Variants in HSPBAP1 observed in about 807,000 individuals in gnomAD.
HSPBAP1 encodes HSPB1-associated protein 1.
In HSPBAP1, 27 loss-of-function variants were observed where a neutral mutation model predicts 45.2. The ratio of observed to expected loss-of-function variants is 0.60; its 90% CI spans 0.44 to 0.82. The LOEUF is 0.82. Ranked by LOEUF, HSPBAP1 falls within the 40% of genes least tolerant of loss-of-function variation. The pLI is 0.00. For synonymous variants in HSPBAP1, 204 were observed against 202.7 expected, an observed-to-expected ratio of 1.01 and a Z score of -0.06; for missense variants, 510 against 590.9, an observed-to-expected ratio of 0.86 and a Z score of 1.42.
intron 3 of HSPBAP1, among the ~76,000 whole-genome samples, chr3:122,760,450 A>G (rs1451711351): frequency 5.3e-5 from 8 of 152,006 alleles, no homozygotes; most frequent in Non-Finnish European, 2.9e-5. Context: ...TAAATTTTCT[A>G]TTTTTAGAGG....
chr3:122,775,623 T>C (rs1935167682), intron 2 of HSPBAP1, among the ~76,000 whole-genome samples: 1 of 152,182 alleles, frequency 6.6e-6, no homozygotes. Context: ...CTAGAATAGC[T>C]ATAATTTTTA....
intron 1 of HSPBAP1, among the ~76,000 whole-genome samples, chr3:122,791,448 G>A (rs932126477): frequency 1.3e-5 from 2 of 152,254 alleles, no homozygotes; most frequent in African/African-American, 4.8e-5. Context: ...CATGTGGCAT[G>A]TGCCAACTAT....
intron 3 of HSPBAP1, among the ~76,000 whole-genome samples, chr3:122,767,045 C>A (rs146618254): frequency 6.6e-6 from 1 of 152,022 alleles, no homozygotes; most frequent in African/African-American, 2.4e-5. Context: ...AACTATGAAA[C>A]CTGTAAGTTC....
chr3:122,790,645 T>C (rs1346683461), intron 1 of HSPBAP1, among the ~76,000 whole-genome samples: 1 of 152,226 alleles, frequency 6.6e-6, no homozygotes, highest in Admixed American at 6.5e-5. Flanking sequence ...GTTTACCATG[T>C]GCCATTCAAA....
intron 6 of HSPBAP1, among the ~76,000 whole-genome samples, chr3:122,743,150 A>G (rs1295000461): frequency 6.6e-6 from 1 of 152,188 alleles, no homozygotes; most frequent in African/African-American, 2.4e-5. Flanking sequence ...ATTCCTTGTG[A>G]TAGTTGAAAA....
rs973550332 is a variant in HSPBAP1 at position 122,740,266 on chromosome 3, G to T, written c.*79C>A. The stretch of plus-strand genomic sequence containing the variant: ...CAAATGTGCAAACTGACCTTTTGCT[G>T]GTTCATCTTTATTTTAGTCATACTA... On this transcript the variant is annotated 3_prime_UTR_variant, in exon 8 of 8. Coordinates refer to ENST00000306103, the MANE Select transcript of HSPBAP1 (RefSeq NM_024610.6). The T allele has an allele frequency of 1.1e-6, 1 of 885,864 alleles. No homozygotes were observed. The highest frequency in any genetic ancestry group is 1.6e-6 in the Non-Finnish European group (1 of 626,916). The allele number at this position is 885,864 out of a possible 1,614,324, so 54.9% of individuals were successfully genotyped here. A position where few individuals can be genotyped will look rare whatever the true frequency, so the allele number is the denominator to read the frequency against.
chr3:122,774,220 C>T (rs1341046279), intron 2 of HSPBAP1, among the ~76,000 whole-genome samples: 2 of 152,126 alleles, frequency 1.3e-5, no homozygotes, highest in Non-Finnish European at 1.5e-5. Flanking sequence ...CTAAGTGTTA[C>T]TAAGAAATAC....
chr3:122,777,200 A>G (rs941394148), intron 2 of HSPBAP1, among the ~76,000 whole-genome samples: 2 of 152,194 alleles, frequency 1.3e-5, no homozygotes, highest in Non-Finnish European at 2.9e-5. Flanking sequence ...CGAGCTTTAC[A>G]TATGTTTCAT....
intron 1 of HSPBAP1, among the ~76,000 whole-genome samples, chr3:122,784,949 A>T (rs972055404): frequency 6.6e-6 from 1 of 152,246 alleles, no homozygotes; most frequent in Non-Finnish European, 1.5e-5. Context: ...TAAAACAGGC[A>T]GAGACGGTAA....
intron 6 of HSPBAP1, among the ~76,000 whole-genome samples, chr3:122,747,960 G>T (rs1471663987): frequency 2.0e-5 from 3 of 152,348 alleles, no homozygotes; most frequent in South Asian, 4.1e-4. Context: ...GTGGGGAAAA[G>T]ATTGAGAAAT....
At chr3:122,755,201 G>T in intron 5 of HSPBAP1, 59 bp downstream of exon 5, 1 of 1,370,318 alleles carries the variant, frequency 7.3e-7, no homozygotes, top group South Asian at 1.7e-5. Flanking sequence ...ATAAGGACTT[G>T]AGAGAGTTAC....
chr3:122,771,181 C>G (rs1015885914), intron 2 of HSPBAP1, among the ~76,000 whole-genome samples: 1 of 152,202 alleles, frequency 6.6e-6, no homozygotes, highest in African/African-American at 2.4e-5. Context: ...ATGGAAATGA[C>G]AGATCTTTTC....
At chr3:122,792,318 A>C (rs1470019375) in intron 1 of HSPBAP1, among the ~76,000 whole-genome samples, 1 of 152,198 alleles carries the variant, frequency 6.6e-6, no homozygotes, top group East Asian at 1.9e-4. Context: ...ATCCAGAGTA[A>C]GAGTTTTGTC....
At chr3:122,747,388 C>G (rs1230185404) in intron 6 of HSPBAP1, among the ~76,000 whole-genome samples, 1 of 151,568 alleles carries the variant, frequency 6.6e-6, no homozygotes, top group Non-Finnish European at 1.5e-5. Context: ...GGCAACCGCC[C>G]CATCTGAGAA....
At chr3:122,751,218 C>A (rs1286262879) in intron 6 of HSPBAP1, among the ~76,000 whole-genome samples, 1 of 152,212 alleles carries the variant, frequency 6.6e-6, no homozygotes, top group East Asian at 1.9e-4. Context: ...ATAGCTCTCC[C>A]TCCTCCTCAT....
In HSPBAP1 at chr3:122,740,074, T is replaced by C. The variant is rs1174964380; in HGVS notation, c.*271A>G. ...GGTTGAGGCTGAGGAAGACATTACT[T>C]CCTGCTGGAAATACTTGGGACTTAC... On this transcript the variant is annotated 3_prime_UTR_variant, in exon 8 of 8. Coordinates refer to ENST00000306103, the MANE Select transcript of HSPBAP1 (RefSeq NM_024610.6). 8 of 214,846 alleles carry C rather than the reference T, an allele frequency of 3.7e-5. No homozygotes were observed. Among genetic ancestry groups the C allele is most frequent in the Non-Finnish European group, 7.2e-5 (8 of 110,678 alleles). The allele number at this position is 214,846 out of a possible 1,614,324, so 13.3% of individuals were successfully genotyped here.
chr3:122,763,095 G>T (rs1934656883), intron 3 of HSPBAP1, among the ~76,000 whole-genome samples: 1 of 152,178 alleles, frequency 6.6e-6, no homozygotes, highest in Admixed American at 6.5e-5. Flanking sequence ...ACCTTTTATT[G>T]TGATGAAATA....
chr3:122,768,720 T>C lies in HSPBAP1; in HGVS notation c.413A>G (p.Asp138Gly), dbSNP rs1399747499. Residue 138 changes from aspartate to glycine, a missense_variant, in exon 3 of 8, where the codon GAC (aspartate) becomes GGC (glycine). Transcript: ENST00000306103. The part of the protein sequence containing the change: ...DYKYFVSLFE[D>G]KTDLFQDVKW... Reference sequence around the variant, plus strand: ...ACTTACCTGGAAAAGATCTGTCTTGTCTTCAAATAGACTGACAAAATATTT... The same window carrying C: ...ACTTACCTGGAAAAGATCTGTCTTGCCTTCAAATAGACTGACAAAATATTT... 2 of 1,611,952 alleles carry C rather than the reference T, an allele frequency of 1.2e-6. No homozygotes were observed. The highest frequency in any genetic ancestry group is 1.7e-5 in the Admixed American group (1 of 59,966).
At chr3:122,780,597 C>T (rs1043888664) in intron 1 of HSPBAP1, among the ~76,000 whole-genome samples, 2 of 143,008 alleles carry the variant, frequency 1.4e-5, no homozygotes, top group South Asian at 2.2e-4. Context: ...GCTGGCCGGG[C>T]GGGGGGCTGA....
Sources: gnomAD v4.1 joint callset for allele counts (sites outside exome capture counted in the v4.1 genomes callset) on GRCh38, gnomAD v4.1.1 for gene constraint, MANE v1.5 for transcripts, NCBI Gene and HGNC (gene_info 2026-07-23, HGNC 2026-07-21) for gene names.